PTCHD4: variants seen among roughly 807,000 people sequenced by gnomAD.
PTCHD4 encodes the protein patched domain containing 4, also known as patched domain-containing protein 4.
PTCHD4 carries 33 observed loss-of-function variants against 58.1 expected under a neutral mutation model. The ratio of observed to expected loss-of-function variants is 0.57; its 90% CI spans 0.43 to 0.76. PTCHD4 has a LOEUF of 0.76. Ranked by LOEUF, PTCHD4 falls within the 30% of genes least tolerant of loss-of-function variation. The pLI, the probability that PTCHD4 is intolerant of heterozygous loss-of-function variation, is 0.00. For synonymous variants in PTCHD4, 478 were observed against 409.6 expected, an observed-to-expected ratio of 1.17 and a Z score of -2.02; for missense variants, 1,058 against 1,027.1, an observed-to-expected ratio of 1.03 and a Z score of -0.41.
At chr6:47,886,870 C>T (rs1198655858) in intron 4 of PTCHD4, among the ~76,000 whole-genome samples, 2 of 152,160 alleles carry the variant, frequency 1.3e-5, no homozygotes, top group African/African-American at 4.8e-5. Flanking sequence ...TTTCCGCTTG[C>T]CCTACTCACC....
chr6:48,008,553 A>G (rs1762547424), intron 4 of PTCHD4, 81 bp downstream of exon 4: 1 of 1,462,234 alleles, frequency 6.8e-7, no homozygotes, highest in Admixed American at 2.4e-5. Context: ...ATTAAAACAG[A>G]TTTCCACCTG....
chr6:48,064,696 G>A (rs1405354370), intron 3 of PTCHD4, among the ~76,000 whole-genome samples: 1 of 152,142 alleles, frequency 6.6e-6, no homozygotes, highest in Non-Finnish European at 1.5e-5. Context: ...GTATAAGTGT[G>A]CAAATTAATC....
chr6:47,971,928 A>G (rs1767527737), intron 4 of PTCHD4, among the ~76,000 whole-genome samples: 2 of 152,200 alleles, frequency 1.3e-5, no homozygotes, highest in African/African-American at 4.8e-5. Flanking sequence ...TTGACATGGA[A>G]ACTGAAACTG....
At chr6:48,026,998 C>T (rs1227816033) in intron 3 of PTCHD4, among the ~76,000 whole-genome samples, 3 of 151,128 alleles carry the variant, frequency 2.0e-5, no homozygotes, top group Admixed American at 6.6e-5. Flanking sequence ...TTATATGAAC[C>T]GGTAAGTTAT....
intron 3 of PTCHD4, among the ~76,000 whole-genome samples, chr6:48,015,008 T>C (rs1334271277): frequency 6.6e-6 from 1 of 152,176 alleles, no homozygotes; most frequent in African/African-American, 2.4e-5. Context: ...GGCAACTGCC[T>C]AGCAATGACT....
intron 4 of PTCHD4, among the ~76,000 whole-genome samples, chr6:47,962,369 A>T (rs1581939636): frequency 1.3e-5 from 2 of 152,182 alleles, no homozygotes; most frequent in East Asian, 3.9e-4. Flanking sequence ...GCAGAATGGG[A>T]GAAAATATTT....
In PTCHD4 at chr6:47,899,439, A is replaced by G. The variant is rs534838187; in HGVS notation, c.899-19503T>C. Among the ~76,000 whole-genome samples the G allele has an allele frequency of 9.2e-5, 14 of 152,350 alleles. No individual in the cohort carries two copies. In the East Asian group the frequency reaches 2.7e-3, roughly 29 times the overall value. ...CAGTAATCCTTTATTGTGCTCCATA[A>G]CATAGGTGGAATGTTGTATAGCTGT... On this transcript the variant is annotated intron_variant, in intron 4 of 4. Coordinates refer to ENST00000339488, the MANE Select transcript of PTCHD4 (RefSeq NM_001384253.1).
intron 1 of PTCHD4, among the ~76,000 whole-genome samples, chr6:48,093,741 G>GA (rs57457396): frequency 6.6e-6 from 1 of 151,656 alleles, no homozygotes; most frequent in Admixed American, 6.6e-5. Context: ...TTTAAAGGAA[G>GA]AAAAAAATGG....
At chr6:47,887,695 C>G (rs936230294) in intron 4 of PTCHD4, among the ~76,000 whole-genome samples, 10 of 152,150 alleles carry the variant, frequency 6.6e-5, no homozygotes, top group African/African-American at 2.4e-4. Context: ...AGATGATGAA[C>G]TCTTTAGATA....
Position 47,873,911 on chromosome 6 carries a change from T to A in PTCHD4, c.*4392A>T, listed in dbSNP as rs1175244900. ...GCTTCTGAGGCTCTTTTGGAATAAG[T>A]AACAGTTTTCAGATTCACTTTTGCA... is the stretch of plus-strand genomic sequence containing the variant. On this transcript the variant is annotated 3_prime_UTR_variant, in exon 5 of 5. Transcript: ENST00000339488. 6.6e-6 allele frequency among the ~76,000 whole-genome samples: 1 copy of A among 151,694 alleles called. No individual in the cohort carries two copies. Among genetic ancestry groups the A allele is most frequent in the African/African-American group, 2.4e-5 (1 of 41,372 alleles).
chr6:47,954,897 C>T (rs1420920757), intron 4 of PTCHD4, among the ~76,000 whole-genome samples: 3 of 152,154 alleles, frequency 2.0e-5, no homozygotes, highest in Non-Finnish European at 4.4e-5. Context: ...AGTAATATGG[C>T]TTCCACCCAG....
At chr6:47,943,720 TAGAA>T (rs1766317476) in intron 4 of PTCHD4, among the ~76,000 whole-genome samples, 1 of 152,042 alleles carries the variant, frequency 6.6e-6, no homozygotes, top group Non-Finnish European at 1.5e-5. Flanking sequence ...GCTGAGCACC[TAGAA>T]AGAGAGTTAT....
At chr6:47,958,403 T>C (rs1234945550) in intron 4 of PTCHD4, among the ~76,000 whole-genome samples, 1 of 152,144 alleles carries the variant, frequency 6.6e-6, no homozygotes, top group African/African-American at 2.4e-5. Context: ...TATGAAATAG[T>C]GTTTTTCAAA....
intron 4 of PTCHD4, among the ~76,000 whole-genome samples, chr6:47,922,460 C>T (rs1369435887): frequency 1.3e-5 from 2 of 152,162 alleles, no homozygotes. Context: ...CAACTGGCTC[C>T]TTCGTGGGAA....
At position 47,929,988 on chromosome 6, in the gene PTCHD4, A is replaced by G. The variant is rs113871787; in HGVS notation, c.899-50052T>C. Among the ~76,000 whole-genome samples the G allele has an allele frequency of 5.1e-3, 784 of 152,354 alleles. 7 individuals are homozygous for G. Among genetic ancestry groups the G allele is most frequent in the African/African-American group, 0.017 (724 of 41,578 alleles). On this transcript the variant is annotated intron_variant, in intron 4 of 4. Coordinates refer to ENST00000339488, the MANE Select transcript of PTCHD4 (RefSeq NM_001384253.1). ...ATTCACTTTTTACATGACAAAATGCATAGAGTCTGAAGTAAGAAACTTGTT... is the reference window on the plus strand; with the variant it reads ...ATTCACTTTTTACATGACAAAATGCGTAGAGTCTGAAGTAAGAAACTTGTT...
At chr6:48,106,728 T>A (rs1765734044) in intron 1 of PTCHD4, among the ~76,000 whole-genome samples, 1 of 152,176 alleles carries the variant, frequency 6.6e-6, no homozygotes, top group Non-Finnish European at 1.5e-5. Flanking sequence ...AAAATCTCCT[T>A]AAGCTGATAA....
In PTCHD4 at chr6:47,930,615, T is replaced by C. The variant is rs577631692; in HGVS notation, c.899-50679A>G. Among the ~76,000 whole-genome samples, 11 of 152,296 alleles carry C rather than the reference T, an allele frequency of 7.2e-5. No individual in the cohort carries two copies. In the South Asian group the frequency reaches 1.5e-3, roughly 20 times the overall value. Reference sequence around the variant, plus strand: ...ATAAGAACTATGTATGCTCAGAAGGTACACAGAGTTCTATGAAAATGCATA... The same window carrying C: ...ATAAGAACTATGTATGCTCAGAAGGCACACAGAGTTCTATGAAAATGCATA... On this transcript the variant is annotated intron_variant, in intron 4 of 4. Coordinates refer to ENST00000339488, the MANE Select transcript of PTCHD4 (RefSeq NM_001384253.1).
Position 47,878,055 on chromosome 6 carries a change from A to T in PTCHD4, c.*248T>A. On this transcript the variant is annotated 3_prime_UTR_variant, in exon 5 of 5. Coordinates refer to ENST00000339488, the MANE Select transcript of PTCHD4 (RefSeq NM_001384253.1). ...CTCCATTGATTCATCCATTCCTTGG[A>T]AGAGCTCTCAGATTACATCCAGAAA... The T allele has an allele frequency of 2.8e-6, 1 of 362,332 alleles. No individual in the cohort carries two copies. Among genetic ancestry groups the T allele is most frequent in the South Asian group, 7.5e-5 (1 of 13,308 alleles). The allele number at this position is 362,332 out of a possible 1,614,324, so 22.4% of individuals were successfully genotyped here.
Position 47,879,561 on chromosome 6 carries a change from T to C in PTCHD4, c.1274A>G (p.Asp425Gly). Reference sequence around the variant, plus strand: ...ATGATGGGACGTCTGTTGATGCCCATCACTCATCACTGTCTGGAACCACAC... The same window carrying C: ...ATGATGGGACGTCTGTTGATGCCCACCACTCATCACTGTCTGGAACCACAC... ...KPVWFQTVMS[D>G]GHQQTSHHET... Residue 425 changes from aspartate to glycine, a missense_variant, in exon 5 of 5, where the codon GAT becomes GGT. Transcript: ENST00000339488. 1 of 1,613,814 alleles carries C rather than the reference T, an allele frequency of 6.2e-7. No individual in the cohort carries two copies. The highest frequency in any genetic ancestry group is 8.5e-7 in the Non-Finnish European group (1 of 1,179,794).
Sources: gnomAD v4.1 joint callset for allele counts (sites outside exome capture counted in the v4.1 genomes callset) on GRCh38, gnomAD v4.1.1 for gene constraint, MANE v1.5 for transcripts, NCBI Gene and HGNC (gene_info 2026-07-23, HGNC 2026-07-21) for gene names.